RORA: variants seen among roughly 807,000 people sequenced by gnomAD.
RORA encodes nuclear receptor ROR-alpha.
RORA carries 7 observed loss-of-function variants against 69.5 expected under a neutral mutation model. The ratio of observed to expected loss-of-function variants is 0.10; its 90% CI spans 0.06 to 0.19. The LOEUF (loss-of-function observed/expected upper bound fraction) is 0.19, where lower values mean the gene tolerates loss of function less well. RORA is among the 10% of genes least tolerant of loss of function. The pLI is 1.00. For synonymous variants in RORA, 261 were observed against 240.8 expected (o/e 1.08, Z -0.78); for missense variants, 457 against 663.0 (o/e 0.69, Z 3.41).
intron 2 of RORA, among the ~76,000 whole-genome samples, 197 bp from the exon 3 acceptor site, chr15:60,532,048 G>A (rs574884093): frequency 8.5e-5 from 13 of 152,228 alleles, no homozygotes; most frequent in Admixed American, 5.9e-4. Context: ...AATAGCTTTC[G>A]GGTTATTAAA....
At chr15:60,544,051 G>C (rs529036160) in intron 2 of RORA, among the ~76,000 whole-genome samples, 1 of 152,308 alleles carries the variant, frequency 6.6e-6, no homozygotes, top group South Asian at 2.1e-4. Flanking sequence ...GTGGGGAAAA[G>C]ACTGAACTAC....
At chr15:61,190,747 C>CA (rs61549915) in intron 1 of RORA, among the ~76,000 whole-genome samples, 3,362 of 151,044 alleles carry the variant, frequency 0.022, 136 homozygotes, top group African/African-American at 0.076. Context: ...GACTCTGTCT[C>CA]AAAAAAAGAA....
rs189008436 is a variant in RORA, at chr15:60,805,754, G to C, written c.167-127068C>G. Among the ~76,000 whole-genome samples the C allele has an allele frequency of 5.9e-4, 90 of 152,292 alleles. No individual in the cohort carries two copies. The East Asian group carries it at 0.013, about 23-fold the overall frequency. On this transcript the variant is annotated intron_variant, in intron 1 of 10. Transcript: ENST00000335670. Reference sequence around the variant, plus strand: ...AAAAGAGCCTTGGATTCCAGTCCTGGTTTTGCCACTGGCCAGATGAGGCAA... The same window carrying C: ...AAAAGAGCCTTGGATTCCAGTCCTGCTTTTGCCACTGGCCAGATGAGGCAA...
intron 2 of RORA, among the ~76,000 whole-genome samples, chr15:60,580,886 TC>T (rs1360096286): frequency 6.6e-6 from 1 of 152,222 alleles, no homozygotes; most frequent in African/African-American, 2.4e-5. Context: ...ATTTCTTACA[TC>T]TGAACAACCA....
intron 1 of RORA, among the ~76,000 whole-genome samples, chr15:60,786,743 C>T (rs1248958213): frequency 2.0e-5 from 3 of 152,344 alleles, no homozygotes; most frequent in South Asian, 2.1e-4. Context: ...GTCCTTGGGC[C>T]CTGTCTTGCC....
intron 1 of RORA, among the ~76,000 whole-genome samples, chr15:61,037,835 G>C (rs1896537193): frequency 6.6e-6 from 1 of 152,174 alleles, no homozygotes; most frequent in Admixed American, 6.5e-5. Context: ...CACAGAGTAA[G>C]TAGTAATTAA....
At chr15:60,593,423 G>A (rs2068597461) in intron 2 of RORA, 1 of 152,272 alleles carries the variant, frequency 6.6e-6, no homozygotes, top group Admixed American at 6.5e-5. Context: ...GAAACACTGT[G>A]GTAATTCTGA....
chr15:60,723,205 A>G (rs1231027138), intron 1 of RORA, among the ~76,000 whole-genome samples: 2 of 152,212 alleles, frequency 1.3e-5, no homozygotes, highest in Non-Finnish European at 2.9e-5. Context: ...AAAAAGGCTA[A>G]CCATTATACA....
At chr15:60,908,191 G>A (rs968651763) in intron 1 of RORA, among the ~76,000 whole-genome samples, 1 of 152,204 alleles carries the variant, frequency 6.6e-6, no homozygotes, top group African/African-American at 2.4e-5. Flanking sequence ...GCCACCATTA[G>A]CCTGGCCTTG....
rs77487479 is a variant in RORA, at chr15:60,839,198, T to C, written c.167-160512A>G. Among the ~76,000 whole-genome samples, 935 of 152,272 alleles carry C rather than the reference T, an allele frequency of 6.1e-3. 9 individuals are homozygous for C. The highest frequency in any genetic ancestry group is 0.022 in the African/African-American group (906 of 41,550). On this transcript the variant is annotated intron_variant, in intron 1 of 10. Coordinates refer to ENST00000335670, the MANE Select transcript of RORA (RefSeq NM_134261.3). ...CAGGCGTGAGCCACCGCGCCTGGCCTCAACATATATTTTTTAAGTGCTTAC... is the reference window on the plus strand; with the variant it reads ...CAGGCGTGAGCCACCGCGCCTGGCCCCAACATATATTTTTTAAGTGCTTAC...
chr15:61,110,576 T>C (rs1254784871), intron 1 of RORA, among the ~76,000 whole-genome samples: 1 of 152,144 alleles, frequency 6.6e-6, no homozygotes, highest in Non-Finnish European at 1.5e-5. Flanking sequence ...CTTCCAGAGA[T>C]ATTCCAGAAG....
At chr15:60,974,956 G>A (rs749891810) in intron 1 of RORA, among the ~76,000 whole-genome samples, 4 of 152,220 alleles carry the variant, frequency 2.6e-5, no homozygotes, top group Non-Finnish European at 4.4e-5. Flanking sequence ...AACACTGTTC[G>A]GCTGGACATG....
intron 1 of RORA, among the ~76,000 whole-genome samples, chr15:61,017,578 A>C (rs1895345106): frequency 1.3e-5 from 2 of 152,140 alleles, no homozygotes. Flanking sequence ...TCTAAGTCTG[A>C]ACACTTGAAA....
chr15:60,522,586 C>T (rs1351132844), intron 3 of RORA, among the ~76,000 whole-genome samples: 2 of 151,956 alleles, frequency 1.3e-5, no homozygotes, highest in Non-Finnish European at 2.9e-5. Flanking sequence ...CCAGCCTGGG[C>T]AACATAGACC....
intron 1 of RORA, among the ~76,000 whole-genome samples, chr15:61,036,512 T>C (rs1243535800): frequency 6.6e-6 from 1 of 152,130 alleles, no homozygotes; most frequent in African/African-American, 2.4e-5. Context: ...TCTGGAACAG[T>C]CCCTTCACTG....
intron 1 of RORA, among the ~76,000 whole-genome samples, chr15:60,859,423 A>G (rs1965886): frequency 0.29 from 43,503 of 151,070 alleles, 6,504 homozygotes; most frequent in African/African-American, 0.32. Context: ...TGTGAGAAGT[A>G]CAGAGATCTC....
intron 1 of RORA, among the ~76,000 whole-genome samples, chr15:60,844,375 G>C (rs1488679520): frequency 6.6e-6 from 1 of 152,190 alleles, no homozygotes; most frequent in African/African-American, 2.4e-5. Flanking sequence ...TTTGCTCCAA[G>C]TTCCCAAATG....
At chr15:60,498,314 C>T (rs79697524) in intron 10 of RORA, among the ~76,000 whole-genome samples, 3,913 of 152,078 alleles carry the variant, frequency 0.026, 148 homozygotes, top group African/African-American at 0.084. Context: ...GATGGAGAAG[C>T]GGGTGAGGGG....
intron 2 of RORA, among the ~76,000 whole-genome samples, chr15:60,661,395 A>G (rs1202826017): frequency 6.6e-6 from 1 of 152,208 alleles, no homozygotes; most frequent in Non-Finnish European, 1.5e-5. Flanking sequence ...AAAAGCTGCT[A>G]TCTGCCTGGG....
Sources: allele counts gnomAD v4.1 joint callset (sites outside exome capture counted in the v4.1 genomes callset), GRCh38; gene constraint gnomAD v4.1.1; transcripts MANE v1.5; gene names NCBI Gene and HGNC (gene_info 2026-07-23, HGNC 2026-07-21).